NKAIN2: variants seen among roughly 807,000 people sequenced by gnomAD.
NKAIN2 encodes sodium/potassium-transporting ATPase subunit beta-1-interacting protein 2.
A neutral mutation model predicts 32.6 loss-of-function variants in NKAIN2; 14 were observed. That is an observed-to-expected ratio of 0.43 (90% CI 0.28 to 0.67). NKAIN2 has a LOEUF of 0.67. Ranked by LOEUF, NKAIN2 falls within the 30% of genes least tolerant of loss-of-function variation. The pLI, the probability that NKAIN2 is intolerant of heterozygous loss-of-function variation, is 0.17. For synonymous variants in NKAIN2, 80 were observed against 87.2 expected, an observed-to-expected ratio of 0.92 and a Z score of 0.46; for missense variants, 198 against 258.3, an observed-to-expected ratio of 0.77 and a Z score of 1.60.
chr6:124,729,066 A>G (rs1776500635), intron 4 of NKAIN2, among the ~76,000 whole-genome samples: 1 of 152,086 alleles, frequency 6.6e-6, no homozygotes, highest in African/African-American at 2.4e-5. Context: ...GCAATAATCA[A>G]TAGCTTACCA....
chr6:123,937,413 C>A (rs1473462564), intron 1 of NKAIN2, among the ~76,000 whole-genome samples: 2 of 152,080 alleles, frequency 1.3e-5, no homozygotes, highest in Non-Finnish European at 2.9e-5. Context: ...TCCATTTACT[C>A]TTCTAATTAA....
intron 1 of NKAIN2, among the ~76,000 whole-genome samples, chr6:123,896,140 A>G (rs534417231): frequency 2.6e-5 from 4 of 152,338 alleles, no homozygotes; most frequent in East Asian, 1.9e-4. Context: ...TGTCTGGTAC[A>G]GTACACTTGA....
chr6:123,846,449 A>AC (rs1450551671), intron 1 of NKAIN2, among the ~76,000 whole-genome samples: 1 of 152,178 alleles, frequency 6.6e-6, no homozygotes, highest in Non-Finnish European at 1.5e-5. Context: ...TAAAATCTCT[A>AC]CCCCATGGGT....
intron 1 of NKAIN2, among the ~76,000 whole-genome samples, chr6:123,900,533 T>TG (rs1774521100): frequency 3.7e-5 from 2 of 53,914 alleles, no homozygotes; most frequent in East Asian, 3.8e-4. Flanking sequence ...TCCAGATTAG[T>TG]TTTTTTTTTT....
At chr6:124,026,951 G>A (rs1781138928) in intron 1 of NKAIN2, among the ~76,000 whole-genome samples, 1 of 152,064 alleles carries the variant, frequency 6.6e-6, no homozygotes, top group African/African-American at 2.4e-5. Context: ...AGCTCAGGTT[G>A]TATGGAGCTT....
intron 5 of NKAIN2, among the ~76,000 whole-genome samples, chr6:124,811,331 C>T (rs1236009672): frequency 6.6e-6 from 1 of 152,042 alleles, no homozygotes; most frequent in East Asian, 1.9e-4. Flanking sequence ...TGACTAGTGG[C>T]TTTGTCATTA....
chr6:124,227,045 T>G (rs539047777), intron 1 of NKAIN2, among the ~76,000 whole-genome samples: 7 of 150,692 alleles, frequency 4.6e-5, no homozygotes, highest in Admixed American at 4.0e-4. Context: ...GAAAGAAATT[T>G]CTTCAAGTTT....
rs77552964 is a variant in NKAIN2, at chr6:124,117,305, G to T, written c.55-165700G>T. On this transcript the variant is annotated intron_variant, in intron 1 of 6. Transcript: ENST00000368417. ...CCAATTACCTATATCTAAGCAAAAG[G>T]TAAAGCCATCCTTCCTAAATGATCT... 8.2e-3 allele frequency among the ~76,000 whole-genome samples: 1,248 copies of T among 152,220 alleles called. 22 individuals carry two copies. The highest frequency in any genetic ancestry group is 0.028 in the African/African-American group (1,173 of 41,550).
intron 1 of NKAIN2, among the ~76,000 whole-genome samples, chr6:124,129,375 C>G (rs1380689756): frequency 1.3e-5 from 2 of 152,036 alleles, no homozygotes; most frequent in Non-Finnish European, 2.9e-5. Context: ...CATCAGGTGC[C>G]CATCAGGACA....
At chr6:124,524,126 T>C (rs951223222) in intron 3 of NKAIN2, among the ~76,000 whole-genome samples, 3 of 152,196 alleles carry the variant, frequency 2.0e-5, no homozygotes, top group Non-Finnish European at 4.4e-5. Context: ...CAATGTTGTA[T>C]TGATCTGGAT....
chr6:123,902,554 T>C (rs1217170004), intron 1 of NKAIN2, among the ~76,000 whole-genome samples: 4 of 152,162 alleles, frequency 2.6e-5, no homozygotes, highest in Non-Finnish European at 4.4e-5. Flanking sequence ...CCATTTCCAG[T>C]CGTGCAATTA....
chr6:123,818,833 CA>C (rs1306261172), intron 1 of NKAIN2, among the ~76,000 whole-genome samples: 2 of 152,008 alleles, frequency 1.3e-5, no homozygotes, highest in Admixed American at 6.6e-5. Context: ...AAGAAAGAAC[CA>C]GACAAAATAG....
chr6:124,031,548 G>T, intron 1 of NKAIN2, among the ~76,000 whole-genome samples: 1 of 152,098 alleles, frequency 6.6e-6, no homozygotes, highest in Non-Finnish European at 1.5e-5. Context: ...TGGACATTTA[G>T]TGCTATAAAT....
At chr6:124,326,308 G>T in intron 2 of NKAIN2, among the ~76,000 whole-genome samples, 1 of 149,960 alleles carries the variant, frequency 6.7e-6, no homozygotes, top group African/African-American at 2.5e-5. Context: ...TATCTTTCTA[G>T]TTTTTAAAAA....
chr6:124,611,759 G>A (rs1197315887), intron 3 of NKAIN2, among the ~76,000 whole-genome samples: 1 of 152,128 alleles, frequency 6.6e-6, no homozygotes, highest in Non-Finnish European at 1.5e-5. Flanking sequence ...GAAGATATTA[G>A]ATGATCCCCT....
chr6:123,928,915 G>A (rs1002299256), intron 1 of NKAIN2, among the ~76,000 whole-genome samples: 20 of 152,192 alleles, frequency 1.3e-4, no homozygotes, highest in African/African-American at 4.6e-4. Context: ...ATAGAATTCT[G>A]TACAGTTATA....
intron 3 of NKAIN2, among the ~76,000 whole-genome samples, chr6:124,415,183 G>A (rs1774406777): frequency 6.6e-6 from 1 of 152,144 alleles, no homozygotes; most frequent in Non-Finnish European, 1.5e-5. Context: ...TTAGGTCTCA[G>A]TCTCATAAGA....
intron 2 of NKAIN2, among the ~76,000 whole-genome samples, chr6:124,353,078 G>A (rs765285453): frequency 2.0e-5 from 3 of 152,080 alleles, no homozygotes; most frequent in East Asian, 1.9e-4. Flanking sequence ...GATAAAAACC[G>A]GGTCTGAGAG....
Position 124,353,379 on chromosome 6 carries a change from G to A in NKAIN2, c.193-1888G>A, listed in dbSNP as rs544257858. 5.2e-4 allele frequency among the ~76,000 whole-genome samples: 79 copies of A among 151,986 alleles called. 1 individual carries two copies. The highest frequency in any genetic ancestry group is 3.2e-3 in the Admixed American group (49 of 15,258). On this transcript the variant is annotated intron_variant, in intron 2 of 6. Coordinates refer to ENST00000368417, the MANE Select transcript of NKAIN2 (RefSeq NM_001040214.3). ...TCTGGTTCGGAATCATGAGGGAGGT[G>A]ATATTTGAATTAACCTTTTAAAAAA...
Sources: allele counts gnomAD v4.1 joint callset (sites outside exome capture counted in the v4.1 genomes callset), GRCh38; gene constraint gnomAD v4.1.1; transcripts MANE v1.5; gene names NCBI Gene and HGNC (gene_info 2026-07-23, HGNC 2026-07-21).